MED4: variants seen among roughly 807,000 people sequenced by gnomAD.
MED4 encodes mediator of RNA polymerase II transcription subunit 4.
A neutral mutation model predicts 35.0 loss-of-function variants in MED4; 21 were observed. That is an observed-to-expected ratio of 0.60 (90% CI 0.43 to 0.86). The LOEUF (loss-of-function observed/expected upper bound fraction) is 0.86, where lower values mean the gene tolerates loss of function less well. Ranked by LOEUF, MED4 falls within the 40% of genes least tolerant of loss-of-function variation. The probability of loss-of-function intolerance (pLI) is 0.00; values close to 1 mark genes in which losing one functional copy is unlikely to be tolerated. For missense variants in MED4, 300 were observed against 319.4 expected (o/e 0.94, Z 0.46); for synonymous variants, 138 against 114.0 (o/e 1.21, Z -1.34).
At chr13:48,086,243 A>G (rs374903472) in intron 3 of MED4, 39 bp downstream of exon 3, 3 of 1,581,402 alleles carry the variant, frequency 1.9e-6, no homozygotes, top group Admixed American at 1.8e-5. Context: ...ATTAAACAAC[A>G]TCCTTTTTAA....
chr13:48,094,886 G>C, intron 1 of MED4, 68 bp downstream of exon 1: 7 of 1,576,846 alleles, frequency 4.4e-6, no homozygotes, highest in South Asian at 3.3e-5. Context: ...CACAAACGCA[G>C]GGCCGGCCGG....
chr13:48,080,396 CAAAAAAAAAAAAA>C (rs57198503), intron 5 of MED4, among the ~76,000 whole-genome samples: 3 of 68,816 alleles, frequency 4.4e-5, no homozygotes, highest in East Asian at 4.1e-4. Context: ...GACCCTGTCT[CAAAAAAAAAAAAA>C]AAAAAAAAAG....
chr13:48,094,842 G>A (rs1327032588), intron 1 of MED4, 112 bp downstream of exon 1: 11 of 1,470,898 alleles, frequency 7.5e-6, no homozygotes, highest in Non-Finnish European at 1.0e-5. Context: ...CGAAACTCCC[G>A]AGCTGGCCCT....
chr13:48,085,258 G>A (rs1297772386), intron 3 of MED4, among the ~76,000 whole-genome samples: 1 of 147,750 alleles, frequency 6.8e-6, no homozygotes, highest in Admixed American at 6.8e-5. Context: ...TGCAACCTAT[G>A]CCTCCCAGGT....
chr13:48,084,916 G>C (rs1295572324), intron 3 of MED4, among the ~76,000 whole-genome samples: 1 of 151,802 alleles, frequency 6.6e-6, no homozygotes, highest in African/African-American at 2.4e-5. Flanking sequence ...GCCCAGGCTG[G>C]AGTGCAGTGG....
intron 4 of MED4, among the ~76,000 whole-genome samples, chr13:48,082,775 C>T (rs932662447): frequency 8.6e-5 from 13 of 151,534 alleles, no homozygotes; most frequent in Middle Eastern, 6.8e-3. Context: ...TGCAGTGCGC[C>T]GAGATCGCGC....
intron 3 of MED4, among the ~76,000 whole-genome samples, chr13:48,084,039 T>C (rs1464056849): frequency 6.6e-6 from 1 of 151,998 alleles, no homozygotes; most frequent in Non-Finnish European, 1.5e-5. Context: ...GGCAGGCAGA[T>C]CATTTGAGAT....
At chr13:48,079,032 C>T (rs117871044) in intron 6 of MED4, among the ~76,000 whole-genome samples, 3,769 of 151,942 alleles carry the variant, frequency 0.025, 80 homozygotes, top group South Asian at 0.079. Context: ...AAGTCACCTA[C>T]AAACTATAAA....
chr13:48,088,277 A>T (rs550952751), intron 2 of MED4, among the ~76,000 whole-genome samples: 30 of 152,362 alleles, frequency 2.0e-4, no homozygotes, highest in African/African-American at 6.7e-4. Flanking sequence ...AAAACTATTT[A>T]AAAAGATTTG....
intron 6 of MED4, among the ~76,000 whole-genome samples, chr13:48,079,552 C>T (rs759536965): frequency 2.0e-5 from 3 of 151,916 alleles, no homozygotes; most frequent in Non-Finnish European, 4.4e-5. Flanking sequence ...CCAGCCTGGC[C>T]AACAGAGCGA....
intron 2 of MED4, among the ~76,000 whole-genome samples, chr13:48,086,842 G>A (rs1312337634): frequency 6.6e-6 from 1 of 151,904 alleles, no homozygotes; most frequent in African/African-American, 2.4e-5. Context: ...TTGAGGTCAC[G>A]AGTTCTAGAC....
intron 2 of MED4, among the ~76,000 whole-genome samples, chr13:48,087,852 G>GA (rs560773734): frequency 0.012 from 1,650 of 136,920 alleles, 16 homozygotes; most frequent in South Asian, 0.023. Flanking sequence ...TTCGTCTCAG[G>GA]AAAAAAAAAA....
chr13:48,090,103 G>C (rs182292810), intron 2 of MED4, among the ~76,000 whole-genome samples: 2 of 152,182 alleles, frequency 1.3e-5, no homozygotes, highest in African/African-American at 4.8e-5. Context: ...AGTGTGACTA[G>C]AATTGTAAGA....
chr13:48,075,780 G>C lies in MED4; in HGVS notation c.*1359C>G, dbSNP rs1055027456. ...GTATACACATGGATCAATATTCCTAGTATACGGACAAGGCAAGGTTAAAAT... is the reference window on the plus strand; with the variant it reads ...GTATACACATGGATCAATATTCCTACTATACGGACAAGGCAAGGTTAAAAT... On this transcript the variant is annotated 3_prime_UTR_variant, in exon 7 of 7. Transcript: ENST00000258648. 2.6e-5 allele frequency among the ~76,000 whole-genome samples: 4 copies of C among 152,186 alleles called. No homozygotes were observed. Among genetic ancestry groups the C allele is most frequent in the African/African-American group, 9.7e-5 (4 of 41,432 alleles).
At chr13:48,080,063 C>T (rs1328436637) in intron 5 of MED4, 88 bp from the exon 6 acceptor site, 50 of 1,445,678 alleles carry the variant, frequency 3.5e-5, no homozygotes, top group African/African-American at 5.8e-5. Flanking sequence ...TTCGCTGGTT[C>T]ATGCTGAAAA....
rs1950759259 is a variant in MED4, at chr13:48,076,440, G to C, written c.*699C>G. On this transcript the variant is annotated 3_prime_UTR_variant, in exon 7 of 7. Transcript: ENST00000258648. ...TTAAAAAAAATTATTTCTTCTAATA[G>C]GAATAGGCCTTTGAGAACCCTATTA... 1 of 152,024 alleles carries C rather than the reference G, an allele frequency of 6.6e-6. No homozygotes were observed. Among genetic ancestry groups the C allele is most frequent in the Admixed American group, 6.6e-5 (1 of 15,266 alleles). The allele number at this position is 152,024 out of a possible 1,614,324, so 9.4% of individuals were successfully genotyped here. A position where few individuals can be genotyped will look rare whatever the true frequency, so the allele number is the denominator to read the frequency against.
Position 48,094,954 on chromosome 13 carries a change from C to A in MED4, c.125G>T (p.Arg42Met). ...SALEDLEVLS[R>M]ELIEMLAISR... Reference sequence around the variant, plus strand: ...CCGGCTCTCAGGCTCGCCGCATTACCTAGACAGGACCTCCAAGTCCTCAAG... The same window carrying A: ...CCGGCTCTCAGGCTCGCCGCATTACATAGACAGGACCTCCAAGTCCTCAAG... Residue 42 changes from arginine to methionine, a missense_variant and splice_region_variant, in exon 1 of 7, where the codon AGG (arginine) becomes ATG (methionine). Arg to Met is a moderately conservative substitution (Grantham distance 91). Transcript: ENST00000258648. The A allele has an allele frequency of 1.2e-6, 2 of 1,603,022 alleles. No homozygotes were observed. Among genetic ancestry groups the A allele is most frequent in the Non-Finnish European group, 1.7e-6 (2 of 1,179,654 alleles).
At chr13:48,082,749 C>G (rs1224330630) in intron 4 of MED4, among the ~76,000 whole-genome samples, 1 of 152,018 alleles carries the variant, frequency 6.6e-6, no homozygotes, top group Non-Finnish European at 1.5e-5. Flanking sequence ...GTGGCGTGAA[C>G]CCGGGAGGCG....
At chr13:48,081,427 C>T (rs754946008) in intron 5 of MED4, among the ~76,000 whole-genome samples, 2 of 152,008 alleles carry the variant, frequency 1.3e-5, no homozygotes, top group Admixed American at 1.3e-4. Flanking sequence ...TTTCAAAAGA[C>T]GAAAGAAACA....
Sources: gnomAD v4.1 joint callset for allele counts (sites outside exome capture counted in the v4.1 genomes callset) on GRCh38, gnomAD v4.1.1 for gene constraint, MANE v1.5 for transcripts, NCBI Gene and HGNC (gene_info 2026-07-23, HGNC 2026-07-21) for gene names.